PDE4D: variants seen among roughly 807,000 people sequenced by gnomAD.
PDE4D encodes phosphodiesterase 4D.
A neutral mutation model predicts 87.4 loss-of-function variants in PDE4D; 24 were observed. The observed-to-expected ratio is 0.27, with a 90% CI of 0.20 to 0.39. The LOEUF is 0.39. Ranked by LOEUF, PDE4D falls within the 10% of genes least tolerant of loss-of-function variation. The pLI, the probability that PDE4D is intolerant of heterozygous loss-of-function variation, is 1.00. For missense variants in PDE4D, 714 were observed against 1,041.0 expected, an observed-to-expected ratio of 0.69 and a Z score of 4.32; for synonymous variants, 384 against 383.2, an observed-to-expected ratio of 1.00 and a Z score of -0.02.
chr5:59,641,770 TTTGTCAAAG>T (rs1741622986), intron 1 of PDE4D, among the ~76,000 whole-genome samples: 1 of 152,200 alleles, frequency 6.6e-6, no homozygotes, highest in Admixed American at 6.5e-5. Context: ...TACATTAATT[TTTGTCAAAG>T]ATTTAGAAGA....
intron 1 of PDE4D, among the ~76,000 whole-genome samples, chr5:59,320,878 T>C (rs1774597838): frequency 6.6e-6 from 1 of 152,072 alleles, no homozygotes; most frequent in African/African-American, 2.4e-5. Flanking sequence ...TCAGCAACAA[T>C]TATTTGTTGA....
chr5:60,453,846 C>T (rs1746269513), intron 1 of PDE4D, among the ~76,000 whole-genome samples: 1 of 152,240 alleles, frequency 6.6e-6, no homozygotes, highest in African/African-American at 2.4e-5. Flanking sequence ...TTTGAAGAAA[C>T]AATGTATAAG....
chr5:60,434,512 A>C (rs1258360043), intron 1 of PDE4D, among the ~76,000 whole-genome samples: 3 of 152,190 alleles, frequency 2.0e-5, no homozygotes, highest in Non-Finnish European at 4.4e-5. Context: ...CTAATTTTAA[A>C]GGCAAAAGTA....
At chr5:60,277,042 T>C (rs1751444633) in intron 1 of PDE4D, among the ~76,000 whole-genome samples, 1 of 152,024 alleles carries the variant, frequency 6.6e-6, no homozygotes, top group African/African-American at 2.4e-5. Context: ...CTTCTGTTTG[T>C]TTTTTCCTTT....
intron 5 of PDE4D, among the ~76,000 whole-genome samples, chr5:59,146,098 G>A (rs185484849): frequency 6.6e-6 from 1 of 152,296 alleles, no homozygotes; most frequent in East Asian, 1.9e-4. Flanking sequence ...CTGCACTCCA[G>A]CCTGGGTGAC....
At chr5:59,428,342 A>G (rs1480329741) in intron 1 of PDE4D, among the ~76,000 whole-genome samples, 1 of 151,866 alleles carries the variant, frequency 6.6e-6, no homozygotes, top group Non-Finnish European at 1.5e-5. Flanking sequence ...TTGTCCCGCA[A>G]TCTCTGCTTC....
intron 1 of PDE4D, among the ~76,000 whole-genome samples, chr5:59,411,823 A>T (rs918514596): frequency 9.2e-5 from 14 of 152,236 alleles, no homozygotes; most frequent in Non-Finnish European, 1.6e-4. Flanking sequence ...AAAACATTTT[A>T]AAAAATTCTT....
intron 1 of PDE4D, among the ~76,000 whole-genome samples, chr5:59,830,274 C>T (rs559822548): frequency 7.2e-5 from 11 of 152,096 alleles, no homozygotes; most frequent in South Asian, 6.2e-4. Flanking sequence ...CTGCCTCGCT[C>T]TTTACCATTA....
chr5:60,282,940 T>C (rs1460306371), intron 1 of PDE4D, among the ~76,000 whole-genome samples: 1 of 152,220 alleles, frequency 6.6e-6, no homozygotes, highest in Non-Finnish European at 1.5e-5. Flanking sequence ...TAAAATATAC[T>C]TTATACTGGT....
chr5:59,380,598 T>C (rs1202381242), intron 1 of PDE4D, among the ~76,000 whole-genome samples: 1 of 152,154 alleles, frequency 6.6e-6, no homozygotes, highest in Non-Finnish European at 1.5e-5. Context: ...TTTCTCATAA[T>C]TGTAGTGTTC....
chr5:59,403,978 T>C (rs1791157387), intron 1 of PDE4D, among the ~76,000 whole-genome samples: 1 of 152,228 alleles, frequency 6.6e-6, no homozygotes, highest in Non-Finnish European at 1.5e-5. Flanking sequence ...ACTGCCTGTC[T>C]TTTGGATAAA....
chr5:59,430,695 T>G (rs541709575), intron 1 of PDE4D: 9 of 241,812 alleles, frequency 3.7e-5, no homozygotes, highest in Non-Finnish European at 6.3e-5. Flanking sequence ...AAAGCAGAAA[T>G]TCTGTAGCTC....
At chr5:59,866,099 C>G (rs975895429) in intron 1 of PDE4D, among the ~76,000 whole-genome samples, 1 of 152,186 alleles carries the variant, frequency 6.6e-6, no homozygotes, top group Non-Finnish European at 1.5e-5. Flanking sequence ...TAGTTTCAGT[C>G]TCTACTATCT....
intron 5 of PDE4D, among the ~76,000 whole-genome samples, chr5:59,051,266 G>A (rs1387558691): frequency 6.6e-6 from 1 of 152,188 alleles, no homozygotes; most frequent in East Asian, 1.9e-4. Flanking sequence ...CCAGCTTCTT[G>A]GGAGGCTGAG....
At chr5:60,341,826 T>A (rs1758344933) in intron 1 of PDE4D, among the ~76,000 whole-genome samples, 1 of 152,134 alleles carries the variant, frequency 6.6e-6, no homozygotes. Flanking sequence ...TATAGGATGC[T>A]GGAGTTAGCT....
upstream of PDE4D, among the ~76,000 whole-genome samples, chr5:60,489,319 G>A (rs979350199): frequency 3.3e-5 from 5 of 152,152 alleles, no homozygotes; most frequent in Non-Finnish European, 5.9e-5. Context: ...TCATAGTGAC[G>A]ATAGAATATA....
At chr5:59,161,033 T>G (rs927374252) in intron 5 of PDE4D, among the ~76,000 whole-genome samples, 2 of 151,952 alleles carry the variant, frequency 1.3e-5, no homozygotes, top group Non-Finnish European at 2.9e-5. Context: ...GAGGTGGAGG[T>G]TGCAGTGAGC....
At chr5:59,390,549 C>A (rs1478454284) in intron 1 of PDE4D, among the ~76,000 whole-genome samples, 1 of 152,038 alleles carries the variant, frequency 6.6e-6, no homozygotes, top group African/African-American at 2.4e-5. Context: ...GTATAAAGAG[C>A]AAATCAGGGT....
intron 1 of PDE4D, among the ~76,000 whole-genome samples, chr5:59,890,296 C>CACACACA (rs1750779349): frequency 7.0e-6 from 1 of 143,630 alleles, no homozygotes; most frequent in South Asian, 2.2e-4. Context: ...CACACACACA[C>CACACACA]CTTTTCTTGT....
Sources: gnomAD v4.1 joint callset for allele counts (sites outside exome capture counted in the v4.1 genomes callset) on GRCh38, gnomAD v4.1.1 for gene constraint, MANE v1.5 for transcripts, NCBI Gene and HGNC (gene_info 2026-07-23, HGNC 2026-07-21) for gene names.